Variants in CRACR2A observed in about 807,000 individuals in gnomAD.
CRACR2A encodes EF-hand calcium-binding domain-containing protein 4B.
A neutral mutation model predicts 90.5 loss-of-function variants in CRACR2A; 79 were observed. The observed-to-expected ratio is 0.87, with a 90% confidence interval of 0.73 to 1.05. CRACR2A has a LOEUF of 1.05. Among genes scored for constraint, CRACR2A ranks in the 50% least tolerant of loss-of-function variants. The probability of loss-of-function intolerance (pLI) is 0.00; values close to 1 mark genes in which losing one functional copy is unlikely to be tolerated. For synonymous variants in CRACR2A, 338 were observed against 356.7 expected, an observed-to-expected ratio of 0.95 and a Z score of 0.59; for missense variants, 823 against 897.2, an observed-to-expected ratio of 0.92 and a Z score of 1.06.
intron 7 of CRACR2A, among the ~76,000 whole-genome samples, chr12:3,666,330 C>CGTGTGTGTGTGTGTGTGT (rs750488682): frequency 0.015 from 2,135 of 139,510 alleles, 61 homozygotes; most frequent in African/African-American, 0.053. Flanking sequence ...AGGACGGCTG[C>CGTGTGTGTGTGTGTGTGT]GTGTGTGTGT....
intron 17 of CRACR2A, among the ~76,000 whole-genome samples, chr12:3,627,180 A>G (rs1373690717): frequency 6.6e-6 from 1 of 152,130 alleles, no homozygotes; most frequent in African/African-American, 2.4e-5. Flanking sequence ...TACTGGCATA[A>G]TCTGGATTTT....
At chr12:3,645,144 T>C (rs928845000) in intron 11 of CRACR2A, among the ~76,000 whole-genome samples, 1 of 152,170 alleles carries the variant, frequency 6.6e-6, no homozygotes, top group African/African-American at 2.4e-5. Context: ...TGTATTTTAG[T>C]GGAGGTATAA....
rs764623427 is a variant in CRACR2A at position 3,679,010 on chromosome 12, G to A, written c.429C>T (p.Ser143=). 1 of 1,614,066 alleles carries A rather than the reference G, an allele frequency of 6.2e-7. No individual in the cohort carries two copies. Among genetic ancestry groups the A allele is most frequent in the Non-Finnish European group, 8.5e-7 (1 of 1,179,984 alleles). ...AQRHEEKVYL[S]RGDEDLGDMG... is the part of the protein sequence containing the mutation. Reference sequence around the variant, plus strand: ...TGTCGCCCAGATCCTCATCCCCTCTGGACAGATACACCTTCTCTTCATGGC... The same window carrying A: ...TGTCGCCCAGATCCTCATCCCCTCTAGACAGATACACCTTCTCTTCATGGC... Residue 143 remains serine, a synonymous_variant, in exon 6 of 20, where the codon TCC becomes TCT. Coordinates refer to ENST00000440314, the MANE Select transcript of CRACR2A (RefSeq NM_001144958.2).
intron 10 of CRACR2A, among the ~76,000 whole-genome samples, chr12:3,653,708 G>A (rs1368238485): frequency 6.6e-6 from 1 of 152,160 alleles, no homozygotes; most frequent in Non-Finnish European, 1.5e-5. Context: ...ATGGAGAGGC[G>A]AGTCCAGGGC....
chr12:3,648,711 A>T, intron 10 of CRACR2A, 98 bp from the exon 11 acceptor site: 1 of 1,495,976 alleles, frequency 6.7e-7, no homozygotes, highest in Non-Finnish European at 9.0e-7. Flanking sequence ...CGTGCTGGGG[A>T]TGGAGGGCAT....
chr12:3,705,220 C>T (rs1311606240), intron 3 of CRACR2A, among the ~76,000 whole-genome samples: 1 of 152,158 alleles, frequency 6.6e-6, no homozygotes, highest in East Asian at 1.9e-4. Context: ...TGAGAGTTTC[C>T]AGGCCACTCT....
At chr12:3,715,419 C>T (rs1946069566) in intron 2 of CRACR2A, among the ~76,000 whole-genome samples, 2 of 152,200 alleles carry the variant, frequency 1.3e-5, no homozygotes, top group Non-Finnish European at 2.9e-5. Context: ...ACCTGAGTCT[C>T]AAAGGGTGTA....
At chr12:3,630,291 G>C (rs1944355910) in intron 15 of CRACR2A, among the ~76,000 whole-genome samples, 1 of 152,208 alleles carries the variant, frequency 6.6e-6, no homozygotes, top group South Asian at 2.1e-4. Flanking sequence ...GAGATGGTGT[G>C]GGTTAGCGCT....
chr12:3,681,653 G>T (rs190300663), intron 4 of CRACR2A, among the ~76,000 whole-genome samples: 1 of 152,344 alleles, frequency 6.6e-6, no homozygotes, highest in East Asian at 1.9e-4. Flanking sequence ...TGCCAGTGTG[G>T]AAGTGACTGA....
At chr12:3,702,417 A>G (rs1591699364) in intron 3 of CRACR2A, among the ~76,000 whole-genome samples, 1 of 152,252 alleles carries the variant, frequency 6.6e-6, no homozygotes, top group Admixed American at 6.5e-5. Context: ...GATGAAATTC[A>G]CAAAAAGCTA....
At chr12:3,716,924 AT>A (rs75532126) in intron 2 of CRACR2A, among the ~76,000 whole-genome samples, 2 of 151,718 alleles carry the variant, frequency 1.3e-5, no homozygotes, top group Non-Finnish European at 1.5e-5. Context: ...AAATTCTTGT[AT>A]TTTTTTTAAT....
At chr12:3,619,078 C>G (rs1468791508) in intron 18 of CRACR2A, among the ~76,000 whole-genome samples, 193 bp downstream of exon 18, 1 of 152,204 alleles carries the variant, frequency 6.6e-6, no homozygotes, top group Non-Finnish European at 1.5e-5. Flanking sequence ...ATCTTGCAAC[C>G]TGTGGCTTTC....
At chr12:3,642,519 AG>A in intron 12 of CRACR2A, among the ~76,000 whole-genome samples, 1 of 152,310 alleles carries the variant, frequency 6.6e-6, no homozygotes, top group Admixed American at 6.5e-5. Flanking sequence ...CTGGTCAGAT[AG>A]AAAAAAGAAA....
At position 3,633,229 on chromosome 12, in the gene CRACR2A, G is replaced by A. The variant is rs993683802; in HGVS notation, c.1735+375C>T. Among the ~76,000 whole-genome samples, 1 of 152,072 alleles carries A rather than the reference G, an allele frequency of 6.6e-6. No individual in the cohort carries two copies. The highest frequency in any genetic ancestry group is 2.4e-5 in the African/African-American group (1 of 41,394). On this transcript the variant is annotated intron_variant, in intron 15 of 19. Transcript: ENST00000440314. The surrounding 1 kb of genome is among the most constrained non-coding windows in gnomAD (Gnocchi z 4.5). The stretch of plus-strand genomic sequence containing the variant: ...TCGGGAGGAGTCCTGGTCAGTTCAG[G>A]GGGAGCAGGAAGACCCAGGACCCTG...
chr12:3,710,906 C>T (rs141672500), intron 3 of CRACR2A, among the ~76,000 whole-genome samples: 175 of 152,242 alleles, frequency 1.1e-3, no homozygotes, highest in African/African-American at 4.0e-3. Flanking sequence ...CTACTATCAT[C>T]CACTTGGGAG....
In CRACR2A at chr12:3,617,030, C is replaced by T; in HGVS notation, c.2035G>A (p.Glu679Lys). 1 of 1,550,562 alleles carries T rather than the reference C, an allele frequency of 6.4e-7. No individual in the cohort carries two copies. The highest frequency in any genetic ancestry group is 8.7e-7 in the Non-Finnish European group (1 of 1,145,974). The change falls in exon 19 of 20, where the codon GAG becomes AAG. Residue 679 changes from glutamate to lysine, a missense_variant and splice_region_variant. Transcript: ENST00000440314. ...PRGLGEQLAT[E>K]NNLIFYECSA... ...CATTCATAGAAGATCAGATTGTTCT[C>T]CTAGAATCATAAAACAGAGCGAATA...
intron 4 of CRACR2A, among the ~76,000 whole-genome samples, chr12:3,693,437 C>G (rs1945685281): frequency 6.6e-6 from 1 of 152,250 alleles, no homozygotes; most frequent in African/African-American, 2.4e-5. Flanking sequence ...CTGACAGTTC[C>G]TCTAGGACTA....
At chr12:3,667,778 G>C (rs1292878859) in intron 7 of CRACR2A, among the ~76,000 whole-genome samples, 1 of 152,200 alleles carries the variant, frequency 6.6e-6, no homozygotes, top group Admixed American at 6.5e-5. Flanking sequence ...GTCTCTCTCA[G>C]TCTCTGTAAT....
intron 10 of CRACR2A, among the ~76,000 whole-genome samples, chr12:3,650,238 T>C (rs145720599): frequency 3.2e-3 from 480 of 152,306 alleles, no homozygotes; most frequent in Middle Eastern, 6.8e-3. Context: ...TGGCAAAAAC[T>C]GCACCAACAT....
Sources: allele counts gnomAD v4.1 joint callset (sites outside exome capture counted in the v4.1 genomes callset), GRCh38; gene constraint gnomAD v4.1.1; non-coding constraint Gnocchi (gnomAD v3.1); transcripts MANE v1.5; gene names NCBI Gene and HGNC (gene_info 2026-07-23, HGNC 2026-07-21).